The following RAPGEF4 variants were observed in gnomAD, a reference collection of about 807,000 sequenced individuals.
The protein encoded by RAPGEF4 is RAP guanine-nucleotide-exchange factor (GEF) 4.
RAPGEF4 carries 66 observed loss-of-function variants against 147.9 expected under a neutral mutation model. The observed-to-expected ratio is 0.45, with a 90% CI of 0.37 to 0.55. The LOEUF is 0.55. RAPGEF4 is among the 20% of genes least tolerant of loss of function. RAPGEF4 has a pLI of 0.00. For synonymous variants in RAPGEF4, 419 were observed against 442.7 expected (o/e 0.95, Z 0.67); for missense variants, 1,071 against 1,257.3 (o/e 0.85, Z 2.24).
chr2:172,944,775 CA>C (rs971535318), intron 6 of RAPGEF4, among the ~76,000 whole-genome samples: 6 of 151,634 alleles, frequency 4.0e-5, no homozygotes, highest in African/African-American at 9.7e-5. Flanking sequence ...GTCGTACTTC[CA>C]AAAAAAATTA....
At chr2:172,787,134 C>T (rs1484903585) in intron 1 of RAPGEF4, among the ~76,000 whole-genome samples, 4 of 152,084 alleles carry the variant, frequency 2.6e-5, no homozygotes, top group Non-Finnish European at 5.9e-5. Flanking sequence ...ATTGCTTAAA[C>T]CTGGGAGGTA....
intron 15 of RAPGEF4, 146 bp downstream of exon 15, chr2:172,991,071 C>T (rs1236758235): frequency 1.6e-6 from 1 of 642,088 alleles, no homozygotes; most frequent in African/African-American, 1.8e-5. Flanking sequence ...AATCACACAT[C>T]TTGTGGAGTA....
intron 1 of RAPGEF4, among the ~76,000 whole-genome samples, chr2:172,754,105 A>G (rs1448375339): frequency 2.6e-5 from 4 of 152,220 alleles, no homozygotes; most frequent in South Asian, 2.1e-4. Flanking sequence ...TATAAACTCT[A>G]TCACCAGGAA....
At chr2:172,817,151 G>A (rs1453169048) in intron 4 of RAPGEF4, among the ~76,000 whole-genome samples, 1 of 152,146 alleles carries the variant, frequency 6.6e-6, no homozygotes, top group Non-Finnish European at 1.5e-5. Flanking sequence ...GTATATGTAT[G>A]TATGTGGATA....
chr2:172,930,059 G>C (rs1388079466), intron 6 of RAPGEF4, among the ~76,000 whole-genome samples: 1 of 152,144 alleles, frequency 6.6e-6, no homozygotes, highest in African/African-American at 2.4e-5. Flanking sequence ...TAGTGGGGCT[G>C]TGAAGTTCTT....
chr2:172,866,154 G>C (rs1559084616), intron 4 of RAPGEF4, among the ~76,000 whole-genome samples: 1 of 151,962 alleles, frequency 6.6e-6, no homozygotes, highest in Non-Finnish European at 1.5e-5. Context: ...TCTTCCCCTT[G>C]CACCCCTTTA....
intron 10 of RAPGEF4, among the ~76,000 whole-genome samples, chr2:172,976,888 C>T (rs970744774): frequency 2.0e-5 from 3 of 152,214 alleles, no homozygotes; most frequent in Non-Finnish European, 4.4e-5. Flanking sequence ...CCTATCCATC[C>T]CCATTTATTA....
chr2:172,849,986 G>GT (rs1692628843), intron 4 of RAPGEF4, among the ~76,000 whole-genome samples: 1 of 152,210 alleles, frequency 6.6e-6, no homozygotes, highest in South Asian at 2.1e-4. Context: ...AGAGTTAGAA[G>GT]TAAGCAGACA....
intron 1 of RAPGEF4, among the ~76,000 whole-genome samples, chr2:172,764,620 T>G (rs1445613169): frequency 6.6e-6 from 1 of 152,216 alleles, no homozygotes; most frequent in Non-Finnish European, 1.5e-5. Flanking sequence ...TCAGTTTGGA[T>G]GCCCGTGGAG....
intron 11 of RAPGEF4, among the ~76,000 whole-genome samples, chr2:172,984,865 A>T (rs536850769): frequency 6.6e-6 from 1 of 152,070 alleles, no homozygotes; most frequent in East Asian, 1.9e-4. Flanking sequence ...ATCTCAAGTT[A>T]CTGGGTTCTT....
At chr2:172,985,543 A>G in intron 12 of RAPGEF4, 50 bp downstream of exon 12, 4 of 1,586,856 alleles carry the variant, frequency 2.5e-6, no homozygotes, top group South Asian at 1.2e-5. Context: ...CACCCTTGCA[A>G]GCACATGCCA....
chr2:173,051,101 T>C (rs1686178144), intron 30 of RAPGEF4, among the ~76,000 whole-genome samples: 1 of 152,220 alleles, frequency 6.6e-6, no homozygotes, highest in Non-Finnish European at 1.5e-5. Context: ...TTTCTGAATA[T>C]GGACAGTCTC....
intron 1 of RAPGEF4, among the ~76,000 whole-genome samples, chr2:172,766,177 A>G (rs1440074611): frequency 6.6e-6 from 1 of 151,968 alleles, no homozygotes; most frequent in Non-Finnish European, 1.5e-5. Flanking sequence ...TTATTTATGT[A>G]TTTATCAAAC....
chr2:172,848,482 G>A (rs1047915172), intron 4 of RAPGEF4, among the ~76,000 whole-genome samples: 24 of 152,078 alleles, frequency 1.6e-4, no homozygotes, highest in African/African-American at 5.3e-4. Flanking sequence ...CACATAATTC[G>A]TTTGTTTGTT....
At chr2:172,938,427 A>G (rs1434465738) in intron 6 of RAPGEF4, among the ~76,000 whole-genome samples, 1 of 152,126 alleles carries the variant, frequency 6.6e-6, no homozygotes, top group Admixed American at 6.5e-5. Flanking sequence ...TCTAATTCGC[A>G]TATACATTTA....
chr2:172,896,576 C>T (rs1200628414), intron 4 of RAPGEF4, among the ~76,000 whole-genome samples: 1 of 150,498 alleles, frequency 6.6e-6, no homozygotes, highest in Non-Finnish European at 1.5e-5. Flanking sequence ...AACACCATCC[C>T]ACCCCCCCCC....
intron 27 of RAPGEF4, among the ~76,000 whole-genome samples, chr2:173,035,589 C>G (rs775258707): frequency 6.6e-6 from 1 of 151,700 alleles, no homozygotes; most frequent in Non-Finnish European, 1.5e-5. Flanking sequence ...TAGGCTCAAG[C>G]GATACTCCTG....
At chr2:172,754,221 T>A (rs1695557066) in intron 1 of RAPGEF4, among the ~76,000 whole-genome samples, 1 of 152,206 alleles carries the variant, frequency 6.6e-6, no homozygotes, top group South Asian at 2.1e-4. Flanking sequence ...CCTTTTAAAA[T>A]GAACTTTATA....
chr2:172,928,290 G>C (rs907173324), intron 6 of RAPGEF4: 2 of 445,784 alleles, frequency 4.5e-6, no homozygotes, highest in African/African-American at 2.0e-5. Flanking sequence ...TATTCCATCT[G>C]TTCCTCAACT....
Sources: gnomAD v4.1 joint callset for allele counts (sites outside exome capture counted in the v4.1 genomes callset) on GRCh38, gnomAD v4.1.1 for gene constraint, MANE v1.5 for transcripts, NCBI Gene and HGNC (gene_info 2026-07-23, HGNC 2026-07-21) for gene names.